Variants in ROBO2 observed in about 807,000 individuals in gnomAD.
The protein encoded by ROBO2 is roundabout homolog 2.
A neutral mutation model predicts 160.8 loss-of-function variants in ROBO2; 53 were observed. The observed-to-expected ratio is 0.33, with a 90% CI of 0.26 to 0.41. The LOEUF is 0.41. Among genes scored for constraint, ROBO2 ranks in the 10% least tolerant of loss-of-function variants. ROBO2 has a pLI of 1.00. For missense variants in ROBO2, 1,577 were observed against 1,722.4 expected (o/e 0.92, Z 1.49); for synonymous variants, 664 against 611.7 (o/e 1.09, Z -1.26).
At chr3:77,286,660 G>A (rs543080901) in intron 2 of ROBO2, among the ~76,000 whole-genome samples, 14 of 152,226 alleles carry the variant, frequency 9.2e-5, no homozygotes, top group South Asian at 6.2e-4. Flanking sequence ...GTCTGAGAGC[G>A]CTTTTTGTTT....
Position 77,589,221 on chromosome 3 carries a change from AAC to A in ROBO2, c.2683+306_2683+307del, listed in dbSNP as rs3073102. On this transcript the variant is annotated intron_variant, in intron 17 of 25. Transcript: ENST00000461745. ...CTAGTTCTTTGAAATCATAAACTCA[AAC>A]ACACACACACACACACATGCACACG... 0.76 allele frequency among the ~76,000 whole-genome samples: 115,504 copies of A among 151,416 alleles called. 44,321 individuals are homozygous for A. Among genetic ancestry groups the A allele is most frequent in the African/African-American group, 0.83 (34,502 of 41,346 alleles).
chr3:76,866,564 C>G (rs1036957368), intron 2 of ROBO2, among the ~76,000 whole-genome samples: 4 of 151,930 alleles, frequency 2.6e-5, no homozygotes, highest in African/African-American at 9.7e-5. Flanking sequence ...ATGATAAATT[C>G]AGCACTATCC....
intron 2 of ROBO2, among the ~76,000 whole-genome samples, chr3:76,985,399 G>A (rs370925686): frequency 1.9e-4 from 28 of 151,154 alleles, no homozygotes; most frequent in Admixed American, 3.3e-4. Flanking sequence ...TGGCTAACAC[G>A]GTGAAACCCC....
intron 2 of ROBO2, among the ~76,000 whole-genome samples, chr3:76,067,498 T>TC (rs2068293847): frequency 1.2e-5 from 1 of 86,790 alleles, no homozygotes; most frequent in Non-Finnish European, 2.3e-5. Context: ...TTGGAATTGT[T>TC]TAAAAAAAAA....
intron 2 of ROBO2, among the ~76,000 whole-genome samples, chr3:76,950,718 C>A (rs1275831937): frequency 6.6e-6 from 1 of 151,902 alleles, no homozygotes; most frequent in Non-Finnish European, 1.5e-5. Flanking sequence ...CTTTTCATTG[C>A]CACTTTTTGC....
chr3:76,603,351 A>AAT (rs71104603), intron 2 of ROBO2, among the ~76,000 whole-genome samples: 1,473 of 26,360 alleles, frequency 0.056, 33 homozygotes, highest in East Asian at 0.074. Flanking sequence ...AAAAAAAAAA[A>AAT]ATATATATAT....
At chr3:76,009,019 T>G (rs1334518625) in intron 2 of ROBO2, among the ~76,000 whole-genome samples, 2 of 152,168 alleles carry the variant, frequency 1.3e-5, no homozygotes, top group African/African-American at 4.8e-5. Context: ...TATTACTTTC[T>G]GCATCCCAGT....
chr3:77,268,857 C>T (rs1473109182), intron 2 of ROBO2, among the ~76,000 whole-genome samples: 1 of 152,192 alleles, frequency 6.6e-6, no homozygotes, highest in Non-Finnish European at 1.5e-5. Context: ...AGGAAGACCA[C>T]AGGTTTCACC....
chr3:76,364,509 A>G (rs1326215672), intron 2 of ROBO2, among the ~76,000 whole-genome samples: 1 of 152,074 alleles, frequency 6.6e-6, no homozygotes, highest in Non-Finnish European at 1.5e-5. Context: ...TAAACTGAAA[A>G]GTACAGGTTA....
intron 2 of ROBO2, among the ~76,000 whole-genome samples, chr3:77,212,875 G>A (rs764913982): frequency 2.6e-5 from 4 of 152,160 alleles, no homozygotes; most frequent in East Asian, 1.9e-4. Context: ...GCTGGATTAC[G>A]TTTATTGATT....
At chr3:77,588,629 C>A (rs909463270) in intron 16 of ROBO2, 122 bp from the exon 18 acceptor site, 3 of 929,904 alleles carry the variant, frequency 3.2e-6, no homozygotes, top group Non-Finnish European at 5.0e-6. Context: ...TTGTGATAGG[C>A]TCAAAACTAA....
At chr3:76,619,256 C>G (rs1476627096) in intron 2 of ROBO2, among the ~76,000 whole-genome samples, 1 of 150,738 alleles carries the variant, frequency 6.6e-6, no homozygotes, top group Non-Finnish European at 1.5e-5. Context: ...AGGAGAATGG[C>G]GTGAACCCGG....
chr3:77,336,594 T>A (rs1899372), intron 2 of ROBO2, among the ~76,000 whole-genome samples: 21,574 of 151,902 alleles, frequency 0.14, 1,863 homozygotes, highest in East Asian at 0.39. Context: ...TTGGGAAAGA[T>A]GATTAGTGTA....
chr3:76,656,711 C>T (rs2091540466), intron 2 of ROBO2, among the ~76,000 whole-genome samples: 1 of 152,096 alleles, frequency 6.6e-6, no homozygotes. Context: ...CTGTAAACCT[C>T]AGACCTCCGA....
At chr3:76,332,430 G>A (rs569558239) in intron 2 of ROBO2, among the ~76,000 whole-genome samples, 7 of 152,264 alleles carry the variant, frequency 4.6e-5, no homozygotes, top group African/African-American at 1.4e-4. Flanking sequence ...TTTGACTAAT[G>A]ATGCAAAAGT....
In ROBO2 at chr3:76,113,775, G is replaced by A. The variant is rs75996490; in HGVS notation, c.109+176173G>A. Among the ~76,000 whole-genome samples the A allele has an allele frequency of 1.2e-4, 19 of 152,218 alleles. No homozygotes were observed. In the East Asian group the frequency reaches 3.7e-3, roughly 29 times the overall value. ...CTCATGTTGAAATGTAACCCCCAAC[G>A]TTGGAGGTGGGACCTCATGGGAGGA... is the stretch of plus-strand genomic sequence containing the variant. On this transcript the variant is annotated intron_variant, in intron 2 of 26. Transcript: ENST00000487694.
intron 2 of ROBO2, among the ~76,000 whole-genome samples, chr3:76,267,229 T>A (rs1053913362): frequency 2.6e-5 from 4 of 152,178 alleles, no homozygotes. Context: ...TATATTCAAA[T>A]GAACTGTAGA....
chr3:76,538,191 C>G (rs1241804485), intron 2 of ROBO2, among the ~76,000 whole-genome samples: 1 of 149,840 alleles, frequency 6.7e-6, no homozygotes, highest in East Asian at 1.9e-4. Context: ...ACACCATATT[C>G]ATACACATGT....
intron 2 of ROBO2, among the ~76,000 whole-genome samples, chr3:76,401,317 C>A (rs938844947): frequency 1.3e-5 from 2 of 151,404 alleles, no homozygotes; most frequent in African/African-American, 2.4e-5. Flanking sequence ...GACTGTAGTG[C>A]CCATTCTAAT....
Sources: gnomAD v4.1 joint callset for allele counts (sites outside exome capture counted in the v4.1 genomes callset) on GRCh38, gnomAD v4.1.1 for gene constraint, MANE v1.5 for transcripts, NCBI Gene and HGNC (gene_info 2026-07-23, HGNC 2026-07-21) for gene names.